The following UNC79 variants were observed in gnomAD, a reference collection of about 807,000 sequenced individuals.
UNC79 encodes the protein unc-79 subunit of NALCN channel complex, also known as protein unc-79 homolog.
UNC79 carries 37 observed loss-of-function variants against 283.1 expected under a neutral mutation model. That is an observed-to-expected ratio of 0.13 (90% CI 0.10 to 0.17). The LOEUF (loss-of-function observed/expected upper bound fraction) is 0.17, where lower values mean the gene tolerates loss of function less well. Ranked by LOEUF, UNC79 falls within the 10% of genes least tolerant of loss-of-function variation. UNC79 has a pLI of 1.00. For missense variants in UNC79, 2,272 were observed against 3,211.1 expected (o/e 0.71, Z 7.07); for synonymous variants, 1,107 against 1,200.2 (o/e 0.92, Z 1.61).
rs374088349 is a variant in UNC79, at chr14:93,486,656, G to GAA, written c.620-1007_620-1006insAA. Among the ~76,000 whole-genome samples the GAA allele has an allele frequency of 6.3e-3, 497 of 78,476 alleles. 25 individuals are homozygous for GAA. In the East Asian group the frequency reaches 0.093, roughly 15 times the overall value. 51.5% of individuals were successfully genotyped at this position (78,476 alleles called of 152,430 possible). ...GCAACAAGAGTGAGACTCTGTCTAA[G>GAA]GAAAAAAAAAAAAAAAAAAAAAGAA... On this transcript the variant is annotated intron_variant, in intron 4 of 48. Transcript: ENST00000555664.
intron 33 of UNC79, among the ~76,000 whole-genome samples, chr14:93,641,864 T>C (rs931615726): frequency 3.9e-5 from 6 of 152,106 alleles, no homozygotes; most frequent in African/African-American, 1.4e-4. Flanking sequence ...ATGGGGGCAG[T>C]TTCCCCCATA....
At chr14:93,380,943 A>G (rs776331426) in intron 1 of UNC79, among the ~76,000 whole-genome samples, 14 of 152,162 alleles carry the variant, frequency 9.2e-5, no homozygotes, top group Non-Finnish European at 1.9e-4. Context: ...ATTTGTTAGT[A>G]TTTGTCAGTC....
chr14:93,447,087 G>A (rs550241614), intron 1 of UNC79, among the ~76,000 whole-genome samples: 1 of 152,044 alleles, frequency 6.6e-6, no homozygotes, highest in Non-Finnish European at 1.5e-5. Flanking sequence ...TGATTGTTAT[G>A]TTTTCCTGTT....
Position 93,621,689 on chromosome 14 carries a change from G to C in UNC79, c.4456G>C (p.Glu1486Gln). 1 of 1,613,468 alleles carries C rather than the reference G, an allele frequency of 6.2e-7. No individual in the cohort carries two copies. Among genetic ancestry groups the C allele is most frequent in the South Asian group, 1.1e-5 (1 of 90,966 alleles). Reference sequence around the variant, plus strand: ...AGACAGCCTTCTCCACTGTGTGAGAGAAGAAAGCATTCCGAAAAAAAAGCT... The same window carrying C: ...AGACAGCCTTCTCCACTGTGTGAGACAAGAAAGCATTCCGAAAAAAAAGCT... Residue 1486 changes from glutamate (E) to glutamine (Q), a missense_variant, in exon 30 of 49, where the codon GAA (glutamate) becomes CAA (glutamine). Physicochemically the swap from Glu to Gln is conservative, Grantham distance 29 (BLOSUM62 2). Around this residue, in one of 11 missense-constraint regions of UNC79, gnomAD observed 580 missense variants for 632.2 expected, o/e 0.92. Transcript: ENST00000555664. The surrounding 1 kb of genome is among the most constrained non-coding windows in gnomAD (Gnocchi z 4.8).
intron 40 of UNC79, among the ~76,000 whole-genome samples, 158 bp downstream of exon 43, chr14:93,662,872 C>T (rs144658835): frequency 6.6e-6 from 1 of 150,602 alleles, no homozygotes; most frequent in African/African-American, 2.5e-5. Context: ...TAAGGAAACA[C>T]TTTAAACACA....
chr14:93,542,770 G>A, intron 14 of UNC79, 74 bp downstream of exon 14: 1 of 1,434,206 alleles, frequency 7.0e-7, no homozygotes, highest in Non-Finnish European at 9.8e-7. Flanking sequence ...AGCCATGTGG[G>A]TATTATCAGT....
chr14:93,440,367 C>A lies in UNC79; in HGVS notation c.22+9316C>A, dbSNP rs570562728. Among the ~76,000 whole-genome samples the A allele has an allele frequency of 3.6e-4, 55 of 151,888 alleles. 1 individual carries two copies. The highest frequency in any genetic ancestry group is 1.3e-3 in the African/African-American group (52 of 41,432). On this transcript the variant is annotated intron_variant, in intron 1 of 48. Transcript: ENST00000555664. ...TGGGTTAGTGGTTTGTCTATTTTGT[C>A]GATTTCTTTTTCAAGAAACCAGTTA...
intron 41 of UNC79, among the ~76,000 whole-genome samples, chr14:93,678,611 A>G (rs1370193524): frequency 1.3e-5 from 2 of 152,234 alleles, no homozygotes; most frequent in Non-Finnish European, 2.9e-5. Context: ...ACATGTCAAG[A>G]CAGTAACTGG....
At chr14:93,467,887 G>C in intron 2 of UNC79, 96 bp downstream of exon 2, 1 of 1,345,514 alleles carries the variant, frequency 7.4e-7, no homozygotes. Context: ...AAGTTTTAAA[G>C]GGCCTATGTT....
intron 7 of UNC79, among the ~76,000 whole-genome samples, chr14:93,515,611 G>A (rs909600548): frequency 6.6e-6 from 1 of 151,948 alleles, no homozygotes; most frequent in East Asian, 1.9e-4. Flanking sequence ...GTGCTCTGTG[G>A]CTACTGTAAC....
At chr14:93,423,088 A>G (rs1299730538) in intron 1 of UNC79, among the ~76,000 whole-genome samples, 1 of 146,860 alleles carries the variant, frequency 6.8e-6, no homozygotes, top group East Asian at 1.9e-4. Flanking sequence ...AAAAAAAAAA[A>G]AAAGAAAAGA....
intron 7 of UNC79, among the ~76,000 whole-genome samples, chr14:93,513,981 A>C (rs1019103790): frequency 7.2e-5 from 11 of 152,244 alleles, no homozygotes; most frequent in African/African-American, 2.7e-4. Context: ...GAAGACATAC[A>C]GTAGAAAGAA....
chr14:93,553,049 T>C (rs2061976697), intron 14 of UNC79, among the ~76,000 whole-genome samples: 1 of 152,226 alleles, frequency 6.6e-6, no homozygotes, highest in Non-Finnish European at 1.5e-5. Flanking sequence ...AAATAACCAG[T>C]TTCCCCAGTT....
chr14:93,686,484 T>G (rs1595073058), intron 42 of UNC79, 88 bp from the exon 46 acceptor site: 1 of 1,404,600 alleles, frequency 7.1e-7, no homozygotes, highest in East Asian at 2.3e-5. Flanking sequence ...AAACGACTCC[T>G]TAGTAAACAA....
intron 14 of UNC79, among the ~76,000 whole-genome samples, chr14:93,557,381 C>A (rs936652360): frequency 1.3e-5 from 2 of 152,106 alleles, no homozygotes; most frequent in Non-Finnish European, 2.9e-5. Flanking sequence ...AAGGAATATG[C>A]CCAGTTAATC....
intron 4 of UNC79, among the ~76,000 whole-genome samples, chr14:93,483,193 A>G (rs2058228180): frequency 1.3e-5 from 2 of 152,182 alleles, no homozygotes; most frequent in African/African-American, 4.8e-5. Context: ...AGGACCTTCC[A>G]TCGCTTTCTC....
At chr14:93,406,930 T>C (rs181523583) in intron 1 of UNC79, among the ~76,000 whole-genome samples, 10 of 152,232 alleles carry the variant, frequency 6.6e-5, no homozygotes, top group Admixed American at 6.5e-4. Context: ...CTAAAGAAAA[T>C]CAAGGCGTCA....
intron 7 of UNC79, among the ~76,000 whole-genome samples, chr14:93,502,290 G>A (rs2059332819): frequency 6.6e-6 from 1 of 152,070 alleles, no homozygotes; most frequent in African/African-American, 2.4e-5. Context: ...GTGGGCACCT[G>A]TAGTCCCAGC....
At chr14:93,486,517 G>A (rs112783339) in intron 4 of UNC79, among the ~76,000 whole-genome samples, 7 of 151,896 alleles carry the variant, frequency 4.6e-5, no homozygotes, top group African/African-American at 1.7e-4. Flanking sequence ...AGCCGGGTGT[G>A]GGGGCAGGCG....
Sources: allele counts gnomAD v4.1 joint callset (sites outside exome capture counted in the v4.1 genomes callset), GRCh38; gene constraint gnomAD v4.1.1; regional missense constraint gnomAD v4.1.1; non-coding constraint Gnocchi (gnomAD v3.1); transcripts MANE v1.5; gene names NCBI Gene and HGNC (gene_info 2026-07-23, HGNC 2026-07-21).